The following CCBE1 variants were observed in gnomAD, a reference collection of about 807,000 sequenced individuals.
The protein encoded by CCBE1 is collagen and calcium-binding EGF domain-containing protein 1.
CCBE1 carries 37 observed loss-of-function variants against 50.0 expected under a neutral mutation model. The ratio of observed to expected loss-of-function variants is 0.74; its 90% CI spans 0.57 to 0.97. CCBE1 has a LOEUF of 0.97. Among genes scored for constraint, CCBE1 ranks in the 50% least tolerant of loss-of-function variants. The pLI, the probability that CCBE1 is intolerant of heterozygous loss-of-function variation, is 0.00. For missense variants in CCBE1, 538 were observed against 523.8 expected, an observed-to-expected ratio of 1.03 and a Z score of -0.26; for synonymous variants, 234 against 203.7, an observed-to-expected ratio of 1.15 and a Z score of -1.27.
At chr18:59,477,713 A>G (rs1048954551) in intron 3 of CCBE1, among the ~76,000 whole-genome samples, 2 of 152,204 alleles carry the variant, frequency 1.3e-5, no homozygotes, top group African/African-American at 2.4e-5. Flanking sequence ...GATGCTGGAA[A>G]AGTCCAGTGC....
At chr18:59,489,726 T>C (rs1913001180) in intron 2 of CCBE1, among the ~76,000 whole-genome samples, 2 of 152,064 alleles carry the variant, frequency 1.3e-5, no homozygotes. Context: ...ATTAACTTTC[T>C]CTTGGCAACT....
At chr18:59,612,590 C>G (rs138042366) in intron 2 of CCBE1, among the ~76,000 whole-genome samples, 1 of 152,294 alleles carries the variant, frequency 6.6e-6, no homozygotes, top group East Asian at 1.9e-4. Context: ...TTGTCAGGAA[C>G]TGGGCTAAGA....
intron 2 of CCBE1, among the ~76,000 whole-genome samples, chr18:59,629,825 T>G (rs957806356): frequency 6.6e-6 from 1 of 152,062 alleles, no homozygotes; most frequent in African/African-American, 2.4e-5. Context: ...GCCGGTGCCT[T>G]CAGGGGGAGG....
intron 2 of CCBE1, among the ~76,000 whole-genome samples, chr18:59,614,039 C>T (rs1318281941): frequency 2.0e-5 from 3 of 152,008 alleles, no homozygotes; most frequent in Admixed American, 1.3e-4. Flanking sequence ...GGTGGAGTCT[C>T]GCTCTGCACT....
At chr18:59,502,407 T>C (rs1425537591) in intron 2 of CCBE1, among the ~76,000 whole-genome samples, 1 of 152,080 alleles carries the variant, frequency 6.6e-6, no homozygotes, top group African/African-American at 2.4e-5. Context: ...CCCAAGAACA[T>C]GAGTGCCAAA....
intron 2 of CCBE1, among the ~76,000 whole-genome samples, chr18:59,520,165 TG>T (rs1914538245): frequency 6.6e-6 from 1 of 152,214 alleles, no homozygotes. Context: ...GGCTCTTTTT[TG>T]GTTCCGTATG....
In CCBE1 at chr18:59,435,491, A is replaced by G. The variant is rs950590882; in HGVS notation, c.*417T>C. The G allele has an allele frequency of 3.6e-6, 1 of 275,592 alleles. No individual in the cohort carries two copies. Among genetic ancestry groups the G allele is most frequent in the African/African-American group, 2.2e-5 (1 of 45,188 alleles). The allele number at this position is 275,592 out of a possible 1,614,324, so 17.1% of individuals were successfully genotyped here. A position where few individuals can be genotyped will look rare whatever the true frequency, so the allele number is the denominator to read the frequency against. On this transcript the variant is annotated 3_prime_UTR_variant, in exon 11 of 11. Coordinates refer to ENST00000439986, the MANE Select transcript of CCBE1 (RefSeq NM_133459.4). ...CTAGAGGAGTTATGGTCTATTGTGA[A>G]CACACATCTTAGAAGTAGCCTCACA...
chr18:59,694,715 T>TA (rs1176587844), intron 2 of CCBE1, among the ~76,000 whole-genome samples: 1 of 152,218 alleles, frequency 6.6e-6, no homozygotes, highest in Non-Finnish European at 1.5e-5. Context: ...TAATATCCTC[T>TA]ATTCTTGGGA....
At chr18:59,518,293 A>G (rs1245025105) in intron 2 of CCBE1, among the ~76,000 whole-genome samples, 1 of 152,172 alleles carries the variant, frequency 6.6e-6, no homozygotes, top group Non-Finnish European at 1.5e-5. Flanking sequence ...GTTCAAGACC[A>G]GCCTGGCCAA....
intron 2 of CCBE1, among the ~76,000 whole-genome samples, chr18:59,556,222 A>G (rs1046986655): frequency 2.0e-5 from 3 of 152,146 alleles, no homozygotes; most frequent in Non-Finnish European, 4.4e-5. Context: ...AATACAGACA[A>G]GGTGTCTTGT....
chr18:59,466,931 A>T, intron 4 of CCBE1, 40 bp from the exon 5 acceptor site: 1 of 1,550,116 alleles, frequency 6.5e-7, no homozygotes, highest in Non-Finnish European at 8.9e-7. Flanking sequence ...AGTTTCTGAG[A>T]ATTCACTTCT....
intron 2 of CCBE1, among the ~76,000 whole-genome samples, chr18:59,512,228 C>G (rs563476928): frequency 1.3e-5 from 2 of 152,298 alleles, no homozygotes; most frequent in South Asian, 4.1e-4. Context: ...CATCCCTGGG[C>G]CTGTGCCCAG....
intron 2 of CCBE1, among the ~76,000 whole-genome samples, chr18:59,556,095 A>G (rs1448167608): frequency 6.6e-6 from 1 of 152,204 alleles, no homozygotes; most frequent in East Asian, 1.9e-4. Flanking sequence ...AACGGGGCCC[A>G]GGACCTCTGT....
At chr18:59,452,713 T>A (rs1225932163) in intron 6 of CCBE1, among the ~76,000 whole-genome samples, 5 of 152,186 alleles carry the variant, frequency 3.3e-5, no homozygotes, top group Admixed American at 6.5e-5. Flanking sequence ...TCTAAGACCA[T>A]CAGTATCTTT....
At chr18:59,666,690 G>A (rs1239511592) in intron 2 of CCBE1, among the ~76,000 whole-genome samples, 1 of 152,130 alleles carries the variant, frequency 6.6e-6, no homozygotes, top group African/African-American at 2.4e-5. Context: ...AAGGAGACTG[G>A]GCGTGGTGGC....
At chr18:59,565,797 C>T (rs999995584) in intron 2 of CCBE1, among the ~76,000 whole-genome samples, 1 of 151,658 alleles carries the variant, frequency 6.6e-6, no homozygotes, top group African/African-American at 2.4e-5. Flanking sequence ...AGATAAACAG[C>T]CTGTTCTCTT....
chr18:59,568,213 A>G (rs2052858687), intron 2 of CCBE1: 1 of 150,690 alleles, frequency 6.6e-6, no homozygotes. Flanking sequence ...GCCCTGTTGT[A>G]ACAATGCTGT....
At chr18:59,568,281 C>T (rs1463978096) in intron 2 of CCBE1, 1 of 151,984 alleles carries the variant, frequency 6.6e-6, no homozygotes, top group Non-Finnish European at 1.5e-5. Context: ...CCTGATTCTG[C>T]TTTATTCAAT....
chr18:59,466,906 AT>A lies in CCBE1; in HGVS notation c.401-16del, dbSNP rs755869578. 18 of 1,608,464 alleles carry A rather than the reference AT, an allele frequency of 1.1e-5. No homozygotes were observed. Among genetic ancestry groups the A allele is most frequent in the Non-Finnish European group, 1.4e-5 (17 of 1,175,962 alleles). ...CTCATCAATATCTGGTTTGAACCAA[AT>A]GTAGAGAATACTAAGTTTCTGAGAA... On this transcript the variant is annotated splice_polypyrimidine_tract_variant and intron_variant, in intron 4 of 10. Coordinates refer to ENST00000439986, the MANE Select transcript of CCBE1 (RefSeq NM_133459.4).
Sources: gnomAD v4.1 joint callset for allele counts (sites outside exome capture counted in the v4.1 genomes callset) on GRCh38, gnomAD v4.1.1 for gene constraint, MANE v1.5 for transcripts, NCBI Gene and HGNC (gene_info 2026-07-23, HGNC 2026-07-21) for gene names.